Variants in SEL1L2 observed in about 807,000 individuals in gnomAD.
The protein encoded by SEL1L2 is SEL1L2 adaptor subunit of SYVN1 ubiquitin ligase, also known as protein sel-1 homolog 2.
In SEL1L2, 89 loss-of-function variants were observed where a neutral mutation model predicts 98.8. The ratio of observed to expected loss-of-function variants is 0.90; its 90% CI spans 0.76 to 1.07. The LOEUF is 1.07. Ranked by LOEUF, SEL1L2 falls within the 50% of genes least tolerant of loss-of-function variation. The pLI, the probability that SEL1L2 is intolerant of heterozygous loss-of-function variation, is 0.00. For synonymous variants in SEL1L2, 262 were observed against 278.5 expected (o/e 0.94, Z 0.59); for missense variants, 788 against 812.0 (o/e 0.97, Z 0.36).
chr20:13,963,065 CA>C (rs11472589), intron 1 of SEL1L2, among the ~76,000 whole-genome samples: 3 of 140,694 alleles, frequency 2.1e-5, no homozygotes, highest in African/African-American at 2.7e-5. Flanking sequence ...GACTCCATCT[CA>C]AAAAAAAAAA....
intron 5 of SEL1L2, among the ~76,000 whole-genome samples, chr20:13,897,740 C>T (rs562842578): frequency 6.6e-6 from 1 of 152,194 alleles, no homozygotes; most frequent in South Asian, 2.1e-4. Context: ...TGATGCATGC[C>T]TGTAATCCCA....
chr20:13,903,422 C>G (rs2047773567), intron 5 of SEL1L2, among the ~76,000 whole-genome samples: 1 of 152,266 alleles, frequency 6.6e-6, no homozygotes, highest in East Asian at 1.9e-4. Context: ...CAAGGTTCTA[C>G]TTATTTGGAG....
chr20:13,929,756 TC>T (rs574286410), intron 3 of SEL1L2, among the ~76,000 whole-genome samples: 19 of 150,912 alleles, frequency 1.3e-4, no homozygotes, highest in Non-Finnish European at 2.4e-4. Context: ...CGCCTTGGCC[TC>T]CCAAAGTGCT....
intron 1 of SEL1L2, among the ~76,000 whole-genome samples, chr20:13,976,951 T>C (rs182926954): frequency 2.7e-4 from 41 of 152,272 alleles, no homozygotes; most frequent in Admixed American, 1.0e-3. Context: ...TGGGCCTCAG[T>C]CTTATCTGTA....
chr20:13,966,554 A>C (rs2051051762), intron 1 of SEL1L2, among the ~76,000 whole-genome samples: 1 of 152,116 alleles, frequency 6.6e-6, no homozygotes, highest in Non-Finnish European at 1.5e-5. Context: ...TCCTGACCTC[A>C]GGCAATCCAC....
At chr20:13,884,429 G>A (rs1268481129) in intron 10 of SEL1L2, among the ~76,000 whole-genome samples, 1 of 152,210 alleles carries the variant, frequency 6.6e-6, no homozygotes, top group Non-Finnish European at 1.5e-5. Context: ...AGGATCCTGT[G>A]TATGTCAAGG....
At chr20:13,966,084 A>G (rs2051026740) in intron 1 of SEL1L2, among the ~76,000 whole-genome samples, 1 of 152,198 alleles carries the variant, frequency 6.6e-6, no homozygotes. Context: ...GCTGTTGGGA[A>G]AATGGTGCCG....
At chr20:13,864,798 G>C (rs1176599324) in intron 17 of SEL1L2, among the ~76,000 whole-genome samples, 1 of 152,166 alleles carries the variant, frequency 6.6e-6, no homozygotes. Context: ...AACTCATTGA[G>C]ACATGGGTCA....
chr20:13,941,614 A>G (rs1337764025), intron 2 of SEL1L2, among the ~76,000 whole-genome samples: 1 of 152,198 alleles, frequency 6.6e-6, no homozygotes, highest in Non-Finnish European at 1.5e-5. Context: ...CCATTTACAG[A>G]TAGGAGATTA....
At chr20:13,890,831 A>G (rs2047175567) in intron 5 of SEL1L2, among the ~76,000 whole-genome samples, 1 of 152,234 alleles carries the variant, frequency 6.6e-6, no homozygotes, top group African/African-American at 2.4e-5. Flanking sequence ...TATTAAAAAA[A>G]CAGAAATTCT....
At chr20:13,915,356 G>T in intron 4 of SEL1L2, 1 of 755,876 alleles carries the variant, frequency 1.3e-6, no homozygotes, top group Non-Finnish European at 1.9e-6. Flanking sequence ...AAATTCTGGA[G>T]GCGGGAAGGC....
intron 1 of SEL1L2, among the ~76,000 whole-genome samples, chr20:13,981,648 T>C (rs1021524750): frequency 6.6e-6 from 1 of 152,208 alleles, no homozygotes; most frequent in Non-Finnish European, 1.5e-5. Context: ...GAAAAAGCCT[T>C]ATAACTTTCA....
At chr20:13,883,362 T>C (rs1408992101) in intron 10 of SEL1L2, among the ~76,000 whole-genome samples, 2 of 152,212 alleles carry the variant, frequency 1.3e-5, no homozygotes, top group African/African-American at 2.4e-5. Flanking sequence ...GCTTTATAAA[T>C]GAGGGAACAG....
At chr20:13,988,850 TA>T (rs1241100791) in intron 1 of SEL1L2, among the ~76,000 whole-genome samples, 1 of 151,982 alleles carries the variant, frequency 6.6e-6, no homozygotes, top group Non-Finnish European at 1.5e-5. Flanking sequence ...CCGTCTCTAC[TA>T]AAAATACAAA....
intron 5 of SEL1L2, among the ~76,000 whole-genome samples, chr20:13,890,202 GAACAC>G (rs1196412438): frequency 2.0e-5 from 3 of 152,124 alleles, no homozygotes; most frequent in Non-Finnish European, 4.4e-5. Flanking sequence ...GAGAAGAAAG[GAACAC>G]ATGACTTTTC....
intron 5 of SEL1L2, among the ~76,000 whole-genome samples, chr20:13,906,611 A>C (rs1044376620): frequency 6.6e-6 from 1 of 152,180 alleles, no homozygotes; most frequent in Non-Finnish European, 1.5e-5. Flanking sequence ...TACTAAAAAT[A>C]ATTTTTTTTT....
chr20:13,893,078 A>C (rs941903721), intron 5 of SEL1L2, among the ~76,000 whole-genome samples: 8 of 152,280 alleles, frequency 5.3e-5, no homozygotes, highest in Non-Finnish European at 1.2e-4. Context: ...GTGCCTCCCA[A>C]CTGAACACCT....
chr20:13,936,998 C>T (rs1319933604), intron 2 of SEL1L2, among the ~76,000 whole-genome samples: 1 of 152,236 alleles, frequency 6.6e-6, no homozygotes, highest in East Asian at 1.9e-4. Context: ...TTACTACTAC[C>T]ACACCTACAC....
intron 9 of SEL1L2, among the ~76,000 whole-genome samples, chr20:13,885,801 C>T (rs369573180): frequency 9.2e-5 from 14 of 152,192 alleles, no homozygotes; most frequent in African/African-American, 3.4e-4. Flanking sequence ...TTTGGGAGGC[C>T]GAGATGGGCA....
Sources: allele counts gnomAD v4.1 joint callset (sites outside exome capture counted in the v4.1 genomes callset), GRCh38; gene constraint gnomAD v4.1.1; transcripts MANE v1.5; gene names NCBI Gene and HGNC (gene_info 2026-07-23, HGNC 2026-07-21).